The following ASZ1 variants were observed in gnomAD, a reference collection of about 807,000 sequenced individuals.
ASZ1 encodes ankyrin repeat, SAM and basic leucine zipper domain containing 1.
A neutral mutation model predicts 61.8 loss-of-function variants in ASZ1; 67 were observed. That is an observed-to-expected ratio of 1.08 (90% CI 0.89 to 1.33). ASZ1 has a LOEUF of 1.33. ASZ1 is among the 40% of genes most tolerant of loss of function. ASZ1 has a pLI of 0.00. For missense variants in ASZ1, 577 were observed against 554.5 expected, an observed-to-expected ratio of 1.04 and a Z score of -0.41; for synonymous variants, 193 against 192.7, an observed-to-expected ratio of 1.00 and a Z score of -0.01.
rs1795962051 is a variant in ASZ1, at chr7:117,367,364, G to A, written c.1263C>T (p.Asp421=). 1 of 1,531,398 alleles carries A rather than the reference G, an allele frequency of 6.5e-7. No homozygotes were observed. Among genetic ancestry groups the A allele is most frequent in the Non-Finnish European group, 8.8e-7 (1 of 1,142,736 alleles). The allele number at this position is 1,531,398 out of a possible 1,614,324, so 94.9% of individuals were successfully genotyped here. The change falls in exon 12 of 13, where the codon GAC becomes GAT. Residue 421 remains aspartate, a synonymous_variant. Coordinates refer to ENST00000284629, the MANE Select transcript of ASZ1 (RefSeq NM_130768.3). The part of the protein sequence containing the change: ...DLSEKVCKLK[D]LIQKLQNERE... Reference sequence around the variant, plus strand: ...GTTAAATATATACCTTTTGAATTAGGTCTTTTAGTTTGCAGACCTTTTCAC... The same window carrying A: ...GTTAAATATATACCTTTTGAATTAGATCTTTTAGTTTGCAGACCTTTTCAC...
chr7:117,381,408 C>G (rs1343941978), intron 8 of ASZ1, among the ~76,000 whole-genome samples: 4 of 152,070 alleles, frequency 2.6e-5, no homozygotes, highest in African/African-American at 9.7e-5. Context: ...ATTAAACCAA[C>G]ATGTAGTTTT....
At chr7:117,417,098 G>A (rs1385226136) in intron 4 of ASZ1, among the ~76,000 whole-genome samples, 1 of 152,016 alleles carries the variant, frequency 6.6e-6, no homozygotes, top group African/African-American at 2.4e-5. Context: ...CATGGAAACT[G>A]AGACTTCAAT....
chr7:117,427,465 G>A lies in ASZ1; in HGVS notation c.-5C>T. ...TCGCAGCGCGCTCGCCGCCATGCCAGCCAAGGAAGCTCCCTGTCGGCACCG... is the reference window on the plus strand; with the variant it reads ...TCGCAGCGCGCTCGCCGCCATGCCAACCAAGGAAGCTCCCTGTCGGCACCG... On this transcript the variant is annotated 5_prime_UTR_variant, in exon 1 of 13. Transcript: ENST00000284629. 6.2e-7 allele frequency: 1 copy of A among 1,613,714 alleles called. No individual in the cohort carries two copies. Among genetic ancestry groups the A allele is most frequent in the Admixed American group, 1.7e-5 (1 of 59,998 alleles).
chr7:117,396,966 T>C (rs1796586278), intron 4 of ASZ1, among the ~76,000 whole-genome samples: 1 of 151,922 alleles, frequency 6.6e-6, no homozygotes, highest in Non-Finnish European at 1.5e-5. Flanking sequence ...TAAAAAATTT[T>C]AAAGCATAAA....
chr7:117,416,895 T>G (rs1226625812), intron 4 of ASZ1, among the ~76,000 whole-genome samples: 1 of 152,216 alleles, frequency 6.6e-6, no homozygotes, highest in Non-Finnish European at 1.5e-5. Context: ...ATCTACTCAC[T>G]TGTAGTGTAG....
chr7:117,427,282 G>A (rs1797241121), intron 1 of ASZ1, 74 bp downstream of exon 1: 4 of 1,501,600 alleles, frequency 2.7e-6, no homozygotes, highest in Non-Finnish European at 3.7e-6. Flanking sequence ...GAGGTTTCAC[G>A]AGGCTGGGCC....
chr7:117,377,003 T>C (rs1246578903), intron 10 of ASZ1, among the ~76,000 whole-genome samples: 1 of 152,130 alleles, frequency 6.6e-6, no homozygotes, highest in Non-Finnish European at 1.5e-5. Flanking sequence ...GCAGACTACA[T>C]GATTATCTAC....
Position 117,427,401 on chromosome 7 carries a change from G to A in ASZ1, c.60C>T (p.Ser20=), listed in dbSNP as rs1489397350. ...PVAGGGESSE[S]EDDGWEIGYL... is the part of the protein sequence containing the mutation. ...ACCCAATCTCCCAGCCATCATCCTCGCTCTCGCTACTCTCGCCTCCGCCAG... is the reference window on the plus strand; with the variant it reads ...ACCCAATCTCCCAGCCATCATCCTCACTCTCGCTACTCTCGCCTCCGCCAG... The change falls in exon 1 of 13, where the codon AGC becomes AGT. Residue 20 remains serine, a synonymous_variant. Coordinates refer to ENST00000284629, the MANE Select transcript of ASZ1 (RefSeq NM_130768.3). The A allele has an allele frequency of 4.3e-6, 7 of 1,614,066 alleles. No homozygotes were observed. The highest frequency in any genetic ancestry group is 5.1e-6 in the Non-Finnish European group (6 of 1,180,030).
chr7:117,366,014 A>G (rs1795930453), intron 12 of ASZ1, among the ~76,000 whole-genome samples: 1 of 152,264 alleles, frequency 6.6e-6, no homozygotes, highest in Non-Finnish European at 1.5e-5. Flanking sequence ...CAGTAATCTC[A>G]GCACACTCGG....
At chr7:117,401,450 C>A (rs1796679461) in intron 4 of ASZ1, among the ~76,000 whole-genome samples, 1 of 151,344 alleles carries the variant, frequency 6.6e-6, no homozygotes, top group African/African-American at 2.4e-5. Flanking sequence ...AATCTAATAC[C>A]TTCAAAGAAT....
In ASZ1 at chr7:117,377,205, G is replaced by A. The variant is rs559940541; in HGVS notation, c.1055+2733C>T. On this transcript the variant is annotated intron_variant, in intron 10 of 12. Coordinates refer to ENST00000284629, the MANE Select transcript of ASZ1 (RefSeq NM_130768.3). ...ATCTAATGAAATATGCATGAGATCTGTATGATGAAAATGACAAAATGCTGA... is the reference window on the plus strand; with the variant it reads ...ATCTAATGAAATATGCATGAGATCTATATGATGAAAATGACAAAATGCTGA... Among the ~76,000 whole-genome samples, 3 of 152,266 alleles carry A rather than the reference G, an allele frequency of 2.0e-5. No individual in the cohort carries two copies. In the East Asian group the frequency reaches 5.8e-4, roughly 29 times the overall value.
At chr7:117,400,760 G>C (rs1164074368) in intron 4 of ASZ1, among the ~76,000 whole-genome samples, 3 of 152,162 alleles carry the variant, frequency 2.0e-5, no homozygotes, top group Non-Finnish European at 4.4e-5. Flanking sequence ...ACAAATAGCA[G>C]AGGAAATAAA....
intron 2 of ASZ1, among the ~76,000 whole-genome samples, chr7:117,422,805 T>G (rs899838024): frequency 6.6e-5 from 10 of 152,164 alleles, no homozygotes; most frequent in African/African-American, 2.4e-4. Context: ...AACTTACCCA[T>G]GGGTGACTGA....
intron 10 of ASZ1, among the ~76,000 whole-genome samples, chr7:117,371,382 T>G (rs1383779534): frequency 6.6e-6 from 1 of 152,160 alleles, no homozygotes; most frequent in African/African-American, 2.4e-5. Context: ...TTATAAAATA[T>G]AAACTTTATA....
Position 117,385,799 on chromosome 7 carries a change from T to C in ASZ1, c.451A>G (p.Thr151Ala), listed in dbSNP as rs138855550. The C allele has an allele frequency of 1.9e-6, 3 of 1,611,502 alleles. No individual in the cohort carries two copies. In the East Asian group the frequency reaches 6.7e-5, roughly 36 times the overall value. Residue 151 changes from threonine (T) to alanine (A), a missense_variant, in exon 5 of 13, where the codon ACC (threonine) becomes GCC (alanine). Thr to Ala is a moderately conservative substitution (Grantham distance 58). Coordinates refer to ENST00000284629, the MANE Select transcript of ASZ1 (RefSeq NM_130768.3). ...DPNVACRRLM[T>A]PIMYAARDGH... The stretch of plus-strand genomic sequence containing the variant: ...TCTCGAGCAGCATACATGATTGGGG[T>C]CATAAGTCTCCTAAGGAGGAGGAAG...
At chr7:117,386,657 T>C (rs1379678366) in intron 4 of ASZ1, among the ~76,000 whole-genome samples, 1 of 152,114 alleles carries the variant, frequency 6.6e-6, no homozygotes, top group Non-Finnish European at 1.5e-5. Flanking sequence ...AATAAATAAT[T>C]TCAGAGTTCC....
Position 117,367,344 on chromosome 7 carries a change from AT to A in ASZ1, c.1275+7del. On this transcript the variant is annotated splice_region_variant and intron_variant, in intron 12 of 12. Coordinates refer to ENST00000284629, the MANE Select transcript of ASZ1 (RefSeq NM_130768.3). The stretch of plus-strand genomic sequence containing the variant: ...ATTTTTCCCCTCCTTTTAATGTTAA[AT>A]ATATACCTTTTGAATTAGGTCTTTT... The A allele has an allele frequency of 6.6e-7, 1 of 1,506,554 alleles. No individual in the cohort carries two copies. 93.3% of individuals were successfully genotyped at this position (1,506,554 alleles called of 1,614,324 possible). A position where few individuals can be genotyped will look rare whatever the true frequency, so the allele number is the denominator to read the frequency against.
intron 4 of ASZ1, among the ~76,000 whole-genome samples, chr7:117,415,463 C>G (rs1053841515): frequency 2.0e-5 from 3 of 151,934 alleles, no homozygotes; most frequent in African/African-American, 7.3e-5. Context: ...AAGATGAGTA[C>G]AGTACAATAA....
intron 2 of ASZ1, among the ~76,000 whole-genome samples, chr7:117,425,255 ATTTCTTTTTTT>A (rs1221211484): frequency 1.5e-4 from 13 of 86,730 alleles, no homozygotes; most frequent in African/African-American, 4.7e-4. Flanking sequence ...CCTTTGAGTA[ATTTCTTTTTTT>A]TTTTTTTTTT....
Sources: allele counts gnomAD v4.1 joint callset (sites outside exome capture counted in the v4.1 genomes callset), GRCh38; gene constraint gnomAD v4.1.1; transcripts MANE v1.5; gene names NCBI Gene and HGNC (gene_info 2026-07-23, HGNC 2026-07-21).